The following LAYN variants were observed in gnomAD, a reference collection of about 807,000 sequenced individuals.
LAYN encodes layilin.
In LAYN, 38 loss-of-function variants were observed where a neutral mutation model predicts 43.6. That is an observed-to-expected ratio of 0.87 (90% CI 0.67 to 1.14). The LOEUF is 1.14. LAYN is among the 50% of genes most tolerant of loss of function. The pLI is 0.00. For synonymous variants in LAYN, 168 were observed against 172.9 expected (o/e 0.97, Z 0.22); for missense variants, 479 against 463.8 (o/e 1.03, Z -0.30).
rs369172638 is a variant in LAYN at position 111,560,616 on chromosome 11, C to T, written c.*158C>T. ...CCCACGACCTCCTGTTGGACCCCCA[C>T]GTTTTGGCTGTATCCTTTATCCCAG... On this transcript the variant is annotated 3_prime_UTR_variant, in exon 7 of 7. Transcript: ENST00000375614. The T allele has an allele frequency of 1.0e-4, 81 of 795,642 alleles. No individual in the cohort carries two copies. Among genetic ancestry groups the T allele is most frequent in the African/African-American group, 8.9e-4 (51 of 57,470 alleles). 49.3% of individuals were successfully genotyped at this position (795,642 alleles called of 1,614,324 possible).
rs1383840217 is a variant in LAYN at position 111,540,793 on chromosome 11, C to T, written c.-51C>T. 1 of 1,493,034 alleles carries T rather than the reference C, an allele frequency of 6.7e-7. No individual in the cohort carries two copies. The highest frequency in any genetic ancestry group is 8.9e-7 in the Non-Finnish European group (1 of 1,123,888). The allele number at this position is 1,493,034 out of a possible 1,614,324, so 92.5% of individuals were successfully genotyped here. Reference sequence around the variant, plus strand: ...TCGCGCACGCCTCTGCCCGCCAGCCCGCTCCACCGCCGTAGCGCCCGAGTG... The same window carrying T: ...TCGCGCACGCCTCTGCCCGCCAGCCTGCTCCACCGCCGTAGCGCCCGAGTG... On this transcript the variant is annotated 5_prime_UTR_variant, in exon 1 of 7. Coordinates refer to ENST00000375614, the MANE Select transcript of LAYN (RefSeq NM_178834.5).
At chr11:111,554,525 A>G (rs1263303151) in intron 3 of LAYN, 36 bp from the exon 4 acceptor site, 5 of 1,551,326 alleles carry the variant, frequency 3.2e-6, no homozygotes, top group Non-Finnish European at 3.5e-6. Flanking sequence ...ATAAAAACTT[A>G]CTACTTATTT....
chr11:111,557,765 A>G lies in LAYN; in HGVS notation c.761+122A>G, dbSNP rs1250091950. The G allele has an allele frequency of 4.9e-6, 4 of 815,938 alleles. No individual in the cohort carries two copies. In the African/African-American group the frequency reaches 6.8e-5, roughly 14 times the overall value. 50.5% of individuals were successfully genotyped at this position (815,938 alleles called of 1,614,324 possible). A position where few individuals can be genotyped will look rare whatever the true frequency, so the allele number is the denominator to read the frequency against. On this transcript the variant is annotated intron_variant, in intron 6 of 6. Coordinates refer to ENST00000375614, the MANE Select transcript of LAYN (RefSeq NM_178834.5). ...CAAGAGTATCACCATTGCAGATTGG[A>G]GAGTGGGTTCTCTGACAGGTCAGGG...
Position 111,549,634 on chromosome 11 carries a change from G to A in LAYN, c.400G>A (p.Glu134Lys), listed in dbSNP as rs547617173. The A allele has an allele frequency of 6.4e-7, 1 of 1,571,216 alleles. No individual in the cohort carries two copies. The highest frequency in any genetic ancestry group is 1.2e-5 in the South Asian group (1 of 82,332). Residue 134 changes from glutamate (E) to lysine (K), a missense_variant, in exon 3 of 7, where the codon GAG becomes AAG. Glu to Lys is a moderately conservative substitution (Grantham distance 56). Coordinates refer to ENST00000375614, the MANE Select transcript of LAYN (RefSeq NM_178834.5). ...ISQFRNWYVD[E>K]PSCGSEVCVV... ...TCCCTACAGGAACTGGTATGTGGATGAGCCATCCTGCGGCAGCGAGGTCTG... is the reference window on the plus strand; with the variant it reads ...TCCCTACAGGAACTGGTATGTGGATAAGCCATCCTGCGGCAGCGAGGTCTG...
rs944237267 is a variant in LAYN at position 111,561,348 on chromosome 11, A to C, written c.*890A>C. 6 of 152,268 alleles carry C rather than the reference A, an allele frequency of 3.9e-5. No homozygotes were observed. The highest frequency in any genetic ancestry group is 8.8e-5 in the Non-Finnish European group (6 of 68,052). 9.4% of individuals were successfully genotyped at this position (152,268 alleles called of 1,614,324 possible). A position where few individuals can be genotyped will look rare whatever the true frequency, so the allele number is the denominator to read the frequency against. ...GCTCTCCTGCGTGGGCAACAGAATGAGACCCTGTCTCTAAACAAAAATATT... is the reference window on the plus strand; with the variant it reads ...GCTCTCCTGCGTGGGCAACAGAATGCGACCCTGTCTCTAAACAAAAATATT... On this transcript the variant is annotated 3_prime_UTR_variant, in exon 7 of 7. Transcript: ENST00000375614.
intron 3 of LAYN, among the ~76,000 whole-genome samples, chr11:111,550,160 TAA>T (rs1237727370): frequency 6.6e-6 from 1 of 152,254 alleles, no homozygotes; most frequent in Non-Finnish European, 1.5e-5. Context: ...ACAAGTCTTC[TAA>T]CAGCCCAGTG....
intron 3 of LAYN, among the ~76,000 whole-genome samples, chr11:111,554,008 C>T (rs1867789348): frequency 6.6e-6 from 1 of 152,146 alleles, no homozygotes; most frequent in South Asian, 2.1e-4. Flanking sequence ...GAAATATGTA[C>T]AAAAGCTCAG....
chr11:111,560,328 A>G lies in LAYN; in HGVS notation c.995A>G (p.Glu332Gly). The change falls in exon 7 of 7, where the codon GAA becomes GGA. Residue 332 changes from glutamate (E) to glycine (G), a missense_variant. Physicochemically the swap from Glu to Gly is moderately conservative, Grantham distance 98. Coordinates refer to ENST00000375614, the MANE Select transcript of LAYN (RefSeq NM_178834.5). ...GACAACATGGCTGTGAACCCATCAG[A>G]AAGTGGGTTTGTGACTCTGGTGAGC... is the stretch of plus-strand genomic sequence containing the variant. ...DYDNMAVNPS[E>G]SGFVTLVSVE... The G allele has an allele frequency of 6.2e-7, 1 of 1,614,198 alleles. No homozygotes were observed. Among genetic ancestry groups the G allele is most frequent in the African/African-American group, 1.3e-5 (1 of 75,046 alleles).
intron 6 of LAYN, 82 bp from the exon 7 acceptor site, chr11:111,560,013 T>G: frequency 2.0e-6 from 3 of 1,490,102 alleles, no homozygotes; most frequent in Non-Finnish European, 2.7e-6. Context: ...CAGGGCTGCT[T>G]CCTCTCGTCT....
intron 6 of LAYN, among the ~76,000 whole-genome samples, chr11:111,559,193 G>A (rs1450980691): frequency 6.6e-6 from 1 of 152,110 alleles, no homozygotes; most frequent in Non-Finnish European, 1.5e-5. Context: ...TATGTGATTA[G>A]TAATACATGT....
At chr11:111,547,794 A>G (rs1023810338) in intron 2 of LAYN, among the ~76,000 whole-genome samples, 2 of 152,182 alleles carry the variant, frequency 1.3e-5, no homozygotes, top group Non-Finnish European at 2.9e-5. Flanking sequence ...GGGTGACACT[A>G]CTTCCTGCCA....
chr11:111,541,226 A>T, intron 1 of LAYN: 1 of 590,908 alleles, frequency 1.7e-6, no homozygotes, highest in Middle Eastern at 4.5e-4. Flanking sequence ...CAGTGGGCAA[A>T]CCTGCCCCAG....
At chr11:111,554,866 CT>C (rs1253574914) in intron 4 of LAYN, among the ~76,000 whole-genome samples, 2 of 152,148 alleles carry the variant, frequency 1.3e-5, no homozygotes, top group Non-Finnish European at 1.5e-5. Context: ...ATAATTTAAT[CT>C]AATGAGACCA....
At chr11:111,549,482 C>A in intron 2 of LAYN, 136 bp from the exon 3 acceptor site, 1 of 654,870 alleles carries the variant, frequency 1.5e-6, no homozygotes, top group African/African-American at 1.9e-5. Flanking sequence ...TACTTCAATT[C>A]CTACCTCTCT....
At chr11:111,540,982 C>T (rs1430856388) in intron 1 of LAYN, 54 bp downstream of exon 1, 5 of 1,477,372 alleles carry the variant, frequency 3.4e-6, no homozygotes, top group African/African-American at 2.8e-5. Context: ...CACTGCACCC[C>T]AGCTGCTGCT....
intron 3 of LAYN, among the ~76,000 whole-genome samples, chr11:111,550,389 G>A (rs1247762476): frequency 1.3e-5 from 2 of 152,116 alleles, no homozygotes; most frequent in Non-Finnish European, 2.9e-5. Flanking sequence ...TGCTATACTT[G>A]GGTTTCCCAG....
At chr11:111,549,382 A>G (rs1591566776) in intron 2 of LAYN, among the ~76,000 whole-genome samples, 2 of 152,232 alleles carry the variant, frequency 1.3e-5, no homozygotes, top group East Asian at 3.8e-4. Context: ...ATATGGTGGC[A>G]TGTTCCTCCC....
chr11:111,549,723 G>A lies in LAYN; in HGVS notation c.489G>A (p.Trp163Ter), dbSNP rs763181538. Residue 163 changes from tryptophan to a stop codon, truncating the protein, a stop_gained, in exon 3 of 7, where the codon TGG becomes TGA. Coordinates refer to ENST00000375614, the MANE Select transcript of LAYN (RefSeq NM_178834.5). LOFTEE classifies it high-confidence loss of function. ...TCGGAGGCCCCTACATGTTCCAGTG[G>A]AATGATGACCGGTGCAACATGAAGA... ...AGIGGPYMFQ[W>*]NDDRCNMKNN... 2 of 1,607,484 alleles carry A rather than the reference G, an allele frequency of 1.2e-6. No individual in the cohort carries two copies. Among genetic ancestry groups the A allele is most frequent in the Non-Finnish European group, 1.7e-6 (2 of 1,177,582 alleles).
At position 111,560,545 on chromosome 11, in the gene LAYN, G is replaced by A. The variant is rs533958377; in HGVS notation, c.*87G>A. On this transcript the variant is annotated 3_prime_UTR_variant, in exon 7 of 7. Transcript: ENST00000375614. ...TTTCTATAAGGAAAATACACAGAAGGTCTATGAACAAGCTTAGATCAGGTC... is the reference window on the plus strand; with the variant it reads ...TTTCTATAAGGAAAATACACAGAAGATCTATGAACAAGCTTAGATCAGGTC... 3.6e-6 allele frequency: 5 copies of A among 1,402,388 alleles called. No homozygotes were observed. In the East Asian group the frequency reaches 9.6e-5, roughly 27 times the overall value. 86.9% of individuals were successfully genotyped at this position (1,402,388 alleles called of 1,614,324 possible). A position where few individuals can be genotyped will look rare whatever the true frequency, so the allele number is the denominator to read the frequency against.
Sources: gnomAD v4.1 joint callset for allele counts (sites outside exome capture counted in the v4.1 genomes callset) on GRCh38, gnomAD v4.1.1 for gene constraint, MANE v1.5 for transcripts, NCBI Gene and HGNC (gene_info 2026-07-23, HGNC 2026-07-21) for gene names.